Variants in RASD2 observed in about 807,000 individuals in gnomAD.
RASD2 encodes the protein GTP-binding protein Rhes.
RASD2 carries 7 observed loss-of-function variants against 15.8 expected under a neutral mutation model. The observed-to-expected ratio is 0.44, with a 90% CI of 0.25 to 0.83. The LOEUF (loss-of-function observed/expected upper bound fraction) is 0.83. Among genes scored for constraint, RASD2 ranks in the 40% least tolerant of loss-of-function variants. The pLI, the probability that RASD2 is intolerant of heterozygous loss-of-function variation, is 0.20. For missense variants in RASD2, 274 were observed against 382.8 expected (o/e 0.72, Z 2.37); for synonymous variants, 155 against 153.6 (o/e 1.01, Z -0.07).
At chr22:35,543,925 T>C (rs563784413) in intron 1 of RASD2, among the ~76,000 whole-genome samples, 1 of 144,228 alleles carries the variant, frequency 6.9e-6, no homozygotes, top group Non-Finnish European at 1.5e-5. Flanking sequence ...TCTCTGACTC[T>C]CTGCCTCCTC....
At chr22:35,537,573 T>C (rs555420803), upstream of RASD2, among the ~76,000 whole-genome samples, 2 of 152,316 alleles carry the variant, frequency 1.3e-5, no homozygotes, top group African/African-American at 4.8e-5. Flanking sequence ...CACCCACTTT[T>C]ACAGGCCAAG....
At chr22:35,533,851 T>G in the RASD2 span, among the ~76,000 whole-genome samples, 1 of 151,366 alleles carries the variant, frequency 6.6e-6, no homozygotes, top group African/African-American at 2.4e-5. Context: ...ATGGGGATGA[T>G]GATCACAGTG....
chr22:35,536,244 G>T (rs1934246131), upstream of RASD2, among the ~76,000 whole-genome samples: 1 of 152,136 alleles, frequency 6.6e-6, no homozygotes, highest in African/African-American at 2.4e-5. Context: ...TAGAGGCTGT[G>T]TAGTCTGGGA....
At chr22:35,539,550 G>A (rs771060614), upstream of RASD2, among the ~76,000 whole-genome samples, 4 of 152,186 alleles carry the variant, frequency 2.6e-5, no homozygotes, top group Non-Finnish European at 4.4e-5. Context: ...GTGCTAATGG[G>A]TATTTAACAC....
chr22:35,546,352 G>A (rs953532624), intron 1 of RASD2, among the ~76,000 whole-genome samples: 2 of 152,166 alleles, frequency 1.3e-5, no homozygotes, highest in African/African-American at 2.4e-5. Context: ...CACAGGCTCC[G>A]GGAAAGCCAG....
rs1170074467 is a variant in RASD2, at chr22:35,553,150, G to A, written c.*1118G>A. On this transcript the variant is annotated 3_prime_UTR_variant, in exon 3 of 3. Coordinates refer to ENST00000216127, the MANE Select transcript of RASD2 (RefSeq NM_014310.4). ...TTATTAAGCACCTACTGGGTGCTGGGTTCACTGTGTCCTAGGAAACCAAGA... is the reference window on the plus strand; with the variant it reads ...TTATTAAGCACCTACTGGGTGCTGGATTCACTGTGTCCTAGGAAACCAAGA... The A allele has an allele frequency of 6.6e-6, 1 of 152,140 alleles. No individual in the cohort carries two copies. The highest frequency in any genetic ancestry group is 1.9e-4 in the East Asian group (1 of 5,154). 9.4% of individuals were successfully genotyped at this position (152,140 alleles called of 1,614,324 possible).
the RASD2 span, among the ~76,000 whole-genome samples, chr22:35,534,750 C>G: frequency 6.6e-6 from 1 of 152,200 alleles, no homozygotes; most frequent in East Asian, 1.9e-4. Context: ...TTGTGCCTTT[C>G]CTTTCAAAAC....
At chr22:35,536,123 C>T (rs1934244993), upstream of RASD2, among the ~76,000 whole-genome samples, 2 of 152,242 alleles carry the variant, frequency 1.3e-5, 1 homozygote, top group South Asian at 4.1e-4. Flanking sequence ...TGACTGGCAC[C>T]TGACCCAGTG....
At position 35,551,686 on chromosome 22, in the gene RASD2, C is replaced by G; in HGVS notation, c.455C>G (p.Pro152Arg). The G allele has an allele frequency of 6.2e-7, 1 of 1,613,896 alleles. No homozygotes were observed. Among genetic ancestry groups the G allele is most frequent in the Non-Finnish European group, 8.5e-7 (1 of 1,179,818 alleles). Residue 152 changes from proline to arginine, a missense_variant, in exon 3 of 3, where the codon CCC becomes CGC. By Grantham distance (103) the Pro-to-Arg change is moderately radical (BLOSUM62 -2). Coordinates refer to ENST00000216127, the MANE Select transcript of RASD2 (RefSeq NM_014310.4). The surrounding 1 kb of genome is among the most constrained non-coding windows in gnomAD (Gnocchi z 4.9). ...NDHGELCRQV[P>R]TTEAELLVSG... ...CACGGCGAGCTGTGCCGCCAGGTGC[C>G]CACCACCGAGGCCGAGCTGCTGGTG...
chr22:35,537,063 G>GA (rs1391556723), upstream of RASD2, among the ~76,000 whole-genome samples: 1 of 151,106 alleles, frequency 6.6e-6, no homozygotes, highest in Non-Finnish European at 1.5e-5. Flanking sequence ...TGCTGTTCTA[G>GA]AAAAGCAGCC....
At chr22:35,542,752 G>C (rs1235465823) in intron 1 of RASD2, among the ~76,000 whole-genome samples, 1 of 152,210 alleles carries the variant, frequency 6.6e-6, no homozygotes, top group African/African-American at 2.4e-5. Flanking sequence ...TGCTGCCTGT[G>C]CCCGTGTGAC....
At chr22:35,542,528 AC>A (rs1934378471) in intron 1 of RASD2, among the ~76,000 whole-genome samples, 1 of 152,178 alleles carries the variant, frequency 6.6e-6, no homozygotes, top group East Asian at 1.9e-4. Context: ...ATGCCTGCCT[AC>A]CTTCTACCAC....
Position 35,551,238 on chromosome 22 carries a change from G to A in RASD2, c.272-265G>A, listed in dbSNP as rs1283403626. 6.6e-6 allele frequency among the ~76,000 whole-genome samples: 1 copy of A among 152,168 alleles called. No individual in the cohort carries two copies. The highest frequency in any genetic ancestry group is 2.4e-5 in the African/African-American group (1 of 41,436). ...AATGTGAAGTGAGTTAACTGTATTT[G>A]AACCAAGTGGTCCACGTGTTAGCTA... On this transcript the variant is annotated intron_variant, in intron 2 of 2. Coordinates refer to ENST00000216127, the MANE Select transcript of RASD2 (RefSeq NM_014310.4). This position sits in a 1 kb window ranked among gnomAD's most constrained non-coding sequence, Gnocchi z 4.9.
the RASD2 span, among the ~76,000 whole-genome samples, chr22:35,532,897 G>A: frequency 1.3e-5 from 2 of 152,176 alleles, no homozygotes; most frequent in East Asian, 3.9e-4. Context: ...TAGCACCAGG[G>A]AGCTGCATGG....
chr22:35,544,796 G>A (rs1934452771), intron 1 of RASD2, among the ~76,000 whole-genome samples: 3 of 152,150 alleles, frequency 2.0e-5, no homozygotes, highest in Admixed American at 1.3e-4. Flanking sequence ...TAACCTCTCT[G>A]TGCCTCAGTT....
intron 2 of RASD2, among the ~76,000 whole-genome samples, chr22:35,550,780 C>T (rs766206781): frequency 1.3e-5 from 2 of 152,234 alleles, no homozygotes; most frequent in African/African-American, 2.4e-5. Flanking sequence ...GGGCAGGCTG[C>T]ATACCCTTTC....
intron 1 of RASD2, among the ~76,000 whole-genome samples, chr22:35,544,121 T>TG (rs1423712443): frequency 1.3e-5 from 2 of 152,234 alleles, no homozygotes; most frequent in Non-Finnish European, 2.9e-5. Flanking sequence ...GGCTGGAGGC[T>TG]GGGCAGGGCA....
chr22:35,534,181 CT>C, the RASD2 span, among the ~76,000 whole-genome samples: 1 of 152,228 alleles, frequency 6.6e-6, no homozygotes, highest in Non-Finnish European at 1.5e-5. Context: ...TGTGGAATAT[CT>C]CTGAGTGTCA....
At position 35,553,944 on chromosome 22, in the gene RASD2, G is replaced by T. The variant is rs191410398; in HGVS notation, c.*1912G>T. 588 of 152,870 alleles carry T rather than the reference G, an allele frequency of 3.8e-3. 5 individuals are homozygous for T. The Middle Eastern group carries it at 0.044, about 11-fold the overall frequency. 9.5% of individuals were successfully genotyped at this position (152,870 alleles called of 1,614,324 possible). A position where few individuals can be genotyped will look rare whatever the true frequency, so the allele number is the denominator to read the frequency against. ...TGTGGCCCGCTCTCACCCAGGCACA[G>T]CCCCGCCACCATGGATCTCCGTGTA... On this transcript the variant is annotated 3_prime_UTR_variant, in exon 3 of 3. Transcript: ENST00000216127.
Sources: gnomAD v4.1 joint callset for allele counts (sites outside exome capture counted in the v4.1 genomes callset) on GRCh38, gnomAD v4.1.1 for gene constraint, Gnocchi (gnomAD v3.1) non-coding constraint, MANE v1.5 for transcripts, NCBI Gene and HGNC (gene_info 2026-07-23, HGNC 2026-07-21) for gene names.